Variants in SLC36A2 observed in about 807,000 individuals in gnomAD.
SLC36A2 encodes solute carrier family 36 member 2, also known as proton-coupled amino acid transporter 2.
In SLC36A2, 39 loss-of-function variants were observed where a neutral mutation model predicts 42.7. The ratio of observed to expected loss-of-function variants is 0.91; its 90% CI spans 0.71 to 1.19. The LOEUF is 1.19. SLC36A2 is among the 50% of genes most tolerant of loss of function. SLC36A2 has a pLI of 0.00. For synonymous variants in SLC36A2, 237 were observed against 240.8 expected (o/e 0.98, Z 0.15); for missense variants, 590 against 613.7 (o/e 0.96, Z 0.41).
intron 4 of SLC36A2, among the ~76,000 whole-genome samples, chr5:151,340,170 AGGAGGAGGAGGAG>A (rs1756288458): frequency 2.0e-4 from 10 of 49,850 alleles, no homozygotes; most frequent in Admixed American, 3.9e-4. Flanking sequence ...AAGAAGAGGA[AGGAGGAGGAGGAG>A]GAAGAGGTGG....
Position 151,325,408 on chromosome 5 carries a change from T to C in SLC36A2, c.888A>G (p.Pro296=). Residue 296 remains proline (P), a synonymous_variant, in exon 8 of 10, where the codon CCA becomes CCG. Transcript: ENST00000335244. ...TGGACATTCCCAAAGACAGGATGGC[T>C]GGGAAGTGGCGGGCATTCTTCATCT... ...ENKMKNARHF[P]AILSLGMSIV... 2 of 1,614,192 alleles carry C rather than the reference T, an allele frequency of 1.2e-6. No homozygotes were observed. Among genetic ancestry groups the C allele is most frequent in the Non-Finnish European group, 1.7e-6 (2 of 1,180,022 alleles).
At chr5:151,330,320 A>C (rs1317098597) in intron 7 of SLC36A2, among the ~76,000 whole-genome samples, 1 of 152,208 alleles carries the variant, frequency 6.6e-6, no homozygotes, top group Non-Finnish European at 1.5e-5. Flanking sequence ...CCAGAGAAAA[A>C]CACATAGGAG....
chr5:151,345,770 A>G (rs1756474710), intron 1 of SLC36A2, among the ~76,000 whole-genome samples: 1 of 152,238 alleles, frequency 6.6e-6, no homozygotes, highest in Admixed American at 6.5e-5. Flanking sequence ...GCGGTAAGTC[A>G]TGCAAAGCAC....
At chr5:151,318,883 C>T (rs2127282645) in intron 9 of SLC36A2, among the ~76,000 whole-genome samples, 1 of 152,198 alleles carries the variant, frequency 6.6e-6, no homozygotes, top group East Asian at 1.9e-4. Flanking sequence ...CAGACCTGGG[C>T]TTTTACATTT....
chr5:151,323,961 C>T (rs959703107), intron 8 of SLC36A2, among the ~76,000 whole-genome samples: 2 of 152,154 alleles, frequency 1.3e-5, no homozygotes, highest in Non-Finnish European at 2.9e-5. Flanking sequence ...TTGAGAAGAC[C>T]GAAATGTCCT....
chr5:151,319,175 C>T, intron 9 of SLC36A2: 1 of 961,994 alleles, frequency 1.0e-6, no homozygotes, highest in Non-Finnish European at 1.2e-6. Context: ...GAAAAGTTAT[C>T]TTTGCTATTA....
At chr5:151,341,841 C>T (rs1470552830) in intron 4 of SLC36A2, among the ~76,000 whole-genome samples, 1 of 152,172 alleles carries the variant, frequency 6.6e-6, no homozygotes, top group Non-Finnish European at 1.5e-5. Flanking sequence ...GCACCCCAAA[C>T]TCAACTTGTC....
chr5:151,337,271 C>T (rs1000098602), intron 5 of SLC36A2, among the ~76,000 whole-genome samples: 1 of 152,164 alleles, frequency 6.6e-6, no homozygotes, highest in Non-Finnish European at 1.5e-5. Flanking sequence ...CTTCTCCCAC[C>T]TTGGCTGCCA....
chr5:151,335,255 T>C, intron 6 of SLC36A2, 74 bp downstream of exon 6: 1 of 1,158,482 alleles, frequency 8.6e-7, no homozygotes, highest in Non-Finnish European at 1.3e-6. Flanking sequence ...TGGCTCCAGG[T>C]ATCTAAAGCT....
rs1755798325 is a variant in SLC36A2 at position 151,324,599 on chromosome 5, T to TGGGATTACAGGCATGAGCC, written c.1010+668_1010+686dup. ...CACCCACCCTGGCCTCCCAAAGTGC[T>TGGGATTACAGGCATGAGCC]GGGATTACAGGCATGAGCCATCACG... is the stretch of plus-strand genomic sequence containing the variant. On this transcript the variant is annotated intron_variant, in intron 8 of 9. Transcript: ENST00000335244. Among the ~76,000 whole-genome samples the TGGGATTACAGGCATGAGCC allele has an allele frequency of 1.1e-4, 17 of 152,260 alleles. No homozygotes were observed. The South Asian group carries it at 3.5e-3, about 32-fold the overall frequency.
At chr5:151,320,170 C>G (rs1332299410) in intron 9 of SLC36A2, among the ~76,000 whole-genome samples, 1 of 151,390 alleles carries the variant, frequency 6.6e-6, no homozygotes, top group Non-Finnish European at 1.5e-5. Context: ...TGTCAGGATT[C>G]TAACCATGAA....
chr5:151,324,274 C>T (rs1016999985), intron 8 of SLC36A2, among the ~76,000 whole-genome samples: 37 of 152,040 alleles, frequency 2.4e-4, no homozygotes, highest in African/African-American at 8.7e-4. Context: ...TCCTGAGTAG[C>T]TGAGACTATA....
chr5:151,343,122 A>T, intron 3 of SLC36A2, 139 bp from the exon 4 acceptor site: 4 of 733,732 alleles, frequency 5.5e-6, no homozygotes. Context: ...TCGGGCTTTG[A>T]CACTCAGCAG....
At position 151,347,541 on chromosome 5, in the gene SLC36A2, A is replaced by ATG. The variant is rs1439966580; in HGVS notation, c.-83_-82dup. 1 of 1,545,830 alleles carries ATG rather than the reference A, an allele frequency of 6.5e-7. No individual in the cohort carries two copies. Among genetic ancestry groups the ATG allele is most frequent in the African/African-American group, 1.4e-5 (1 of 73,552 alleles). ...GGAAGCAGGAAGGTGTCTAGTGTAG[A>ATG]TGTACACCCCAGCACAGTGGTGTGT... On this transcript the variant is annotated 5_prime_UTR_variant, in exon 1 of 10. Coordinates refer to ENST00000335244, the MANE Select transcript of SLC36A2 (RefSeq NM_181776.3).
chr5:151,318,536 TATAA>T (rs1197596998), intron 9 of SLC36A2, among the ~76,000 whole-genome samples: 1 of 143,122 alleles, frequency 7.0e-6, no homozygotes, highest in South Asian at 2.1e-4. Flanking sequence ...AATAATTATT[TATAA>T]ATATTTATTT....
chr5:151,340,703 A>G (rs998732089), intron 4 of SLC36A2, among the ~76,000 whole-genome samples: 6 of 152,250 alleles, frequency 3.9e-5, no homozygotes, highest in African/African-American at 1.4e-4. Context: ...CTCTAGGGCA[A>G]GGAAGATACA....
rs1053540569 is a variant in SLC36A2 at position 151,316,535 on chromosome 5, G to A, written c.*282C>T. The A allele has an allele frequency of 2.5e-5, 9 of 359,566 alleles. No homozygotes were observed. Among genetic ancestry groups the A allele is most frequent in the Admixed American group, 1.3e-4 (3 of 23,812 alleles). The allele number at this position is 359,566 out of a possible 1,614,324, so 22.3% of individuals were successfully genotyped here. ...GTGGGTGGATCACCTGAGGTCGGGA[G>A]TTCAAGACCAGCCTGACCAACATGG... On this transcript the variant is annotated 3_prime_UTR_variant, in exon 10 of 10. Transcript: ENST00000335244.
intron 5 of SLC36A2, among the ~76,000 whole-genome samples, chr5:151,335,975 C>G (rs1756143822): frequency 6.6e-6 from 1 of 151,456 alleles, no homozygotes; most frequent in Non-Finnish European, 1.5e-5. Flanking sequence ...CACACTCCAG[C>G]CTGGGCAACA....
intron 4 of SLC36A2, among the ~76,000 whole-genome samples, chr5:151,342,279 GT>G (rs1225745619): frequency 6.6e-6 from 1 of 152,080 alleles, no homozygotes; most frequent in East Asian, 1.9e-4. Flanking sequence ...CCTTGAATCT[GT>G]CACCTATACC....
Sources: allele counts gnomAD v4.1 joint callset (sites outside exome capture counted in the v4.1 genomes callset), GRCh38; gene constraint gnomAD v4.1.1; transcripts MANE v1.5; gene names NCBI Gene and HGNC (gene_info 2026-07-23, HGNC 2026-07-21).